Variants in TXNDC15 observed in about 807,000 individuals in gnomAD.
TXNDC15 encodes the protein thioredoxin domain containing 15.
TXNDC15 carries 24 observed loss-of-function variants against 35.0 expected under a neutral mutation model. The observed-to-expected ratio is 0.68, with a 90% confidence interval of 0.50 to 0.96. TXNDC15 has a LOEUF of 0.96. TXNDC15 is among the 40% of genes least tolerant of loss of function. TXNDC15 has a pLI of 0.00. For synonymous variants in TXNDC15, 169 were observed against 174.0 expected (o/e 0.97, Z 0.23); for missense variants, 385 against 453.3 (o/e 0.85, Z 1.37).
Position 134,893,375 on chromosome 5 carries a change from G to A in TXNDC15, c.592-117G>A, listed in dbSNP as rs374268194. On this transcript the variant is annotated intron_variant, in intron 2 of 4. Transcript: ENST00000358387. ...AAAGGTTCCGAGGGTTCCTTCTCTC[G>A]CTGCTCCTACCCACCCGTTCCTCTC... 15 of 1,256,502 alleles carry A rather than the reference G, an allele frequency of 1.2e-5. No individual in the cohort carries two copies. In the African/African-American group the frequency reaches 1.2e-4, roughly 10 times the overall value. The allele number at this position is 1,256,502 out of a possible 1,614,324, so 77.8% of individuals were successfully genotyped here. A position where few individuals can be genotyped will look rare whatever the true frequency, so the allele number is the denominator to read the frequency against.
intron 2 of TXNDC15, 111 bp from the exon 3 acceptor site, chr5:134,893,381 C>T: frequency 7.5e-7 from 1 of 1,342,098 alleles, no homozygotes. Context: ...TCTCGCTGCT[C>T]CTACCCACCC....
chr5:134,883,209 G>A (rs1264918286), intron 1 of TXNDC15, among the ~76,000 whole-genome samples: 1 of 151,636 alleles, frequency 6.6e-6, no homozygotes. Flanking sequence ...GGTGGATCAC[G>A]AGGTCAGGAG....
chr5:134,893,677 T>C, intron 3 of TXNDC15, 22 bp downstream of exon 3: 1 of 1,613,654 alleles, frequency 6.2e-7, no homozygotes, highest in Non-Finnish European at 8.5e-7. Context: ...TGGTGGGGTT[T>C]ACGTCCATCC....
intron 2 of TXNDC15, among the ~76,000 whole-genome samples, chr5:134,890,210 T>C (rs1032403421): frequency 6.6e-6 from 1 of 151,936 alleles, no homozygotes; most frequent in South Asian, 2.1e-4. Context: ...TTTTTCTTTT[T>C]TTTTTGTAGA....
intron 4 of TXNDC15, 64 bp from the exon 5 acceptor site, chr5:134,899,425 C>T: frequency 6.9e-7 from 1 of 1,458,540 alleles, no homozygotes; most frequent in South Asian, 1.2e-5. Flanking sequence ...ATACATAATA[C>T]TTGAGAAAAA....
rs746398779 is a variant in TXNDC15, at chr5:134,893,499, T to C, written c.599T>C (p.Met200Thr). 2 of 1,614,102 alleles carry C rather than the reference T, an allele frequency of 1.2e-6. No individual in the cohort carries two copies. Among genetic ancestry groups the C allele is most frequent in the African/African-American group, 1.3e-5 (1 of 74,928 alleles). ...TTGTTTCTTTTACCACAGGACCTTATGGATTTTCTGAACCCAAACGGTAGT... is the reference window on the plus strand; with the variant it reads ...TTGTTTCTTTTACCACAGGACCTTACGGATTTTCTGAACCCAAACGGTAGT... ...LKILNMSQDL[M>T]DFLNPNGSDC... The change falls in exon 3 of 5, where the codon ATG (methionine) becomes ACG (threonine). Residue 200 changes from methionine to threonine, a missense_variant. Transcript: ENST00000358387.
intron 1 of TXNDC15, among the ~76,000 whole-genome samples, chr5:134,885,986 G>C (rs1750268592): frequency 6.6e-6 from 1 of 152,312 alleles, no homozygotes; most frequent in Non-Finnish European, 1.5e-5. Context: ...AGGTAGATCA[G>C]TAGGGTAACT....
intron 1 of TXNDC15, among the ~76,000 whole-genome samples, chr5:134,878,402 C>A (rs548915212): frequency 6.6e-6 from 1 of 152,310 alleles, no homozygotes; most frequent in African/African-American, 2.4e-5. Flanking sequence ...GTGGTATTGT[C>A]TCCATTTGCT....
In TXNDC15 at chr5:134,874,382, A is replaced by G; in HGVS notation, c.-46A>G. 2 of 1,507,300 alleles carry G rather than the reference A, an allele frequency of 1.3e-6. No homozygotes were observed. The highest frequency in any genetic ancestry group is 1.2e-5 in the South Asian group (1 of 82,552). 93.4% of individuals were successfully genotyped at this position (1,507,300 alleles called of 1,614,324 possible). On this transcript the variant is annotated 5_prime_UTR_variant, in exon 1 of 5. Transcript: ENST00000358387. ...CTCCCCCAGCCTTCCTCCGGCTGGCAGCACGACTCGCGTAGCCGTGCGCCG... is the reference window on the plus strand; with the variant it reads ...CTCCCCCAGCCTTCCTCCGGCTGGCGGCACGACTCGCGTAGCCGTGCGCCG...
In TXNDC15 at chr5:134,899,534, T is replaced by C. The variant is rs772810258; in HGVS notation, c.932T>C (p.Ile311Thr). ...KNVVVTQADQ[I>T]GPLPSTLIKS... The stretch of plus-strand genomic sequence containing the variant: ...GTGGTGGTAACTCAAGCCGACCAAA[T>C]AGGCCCTCTTCCCAGCACTTTGATA... Residue 311 changes from isoleucine to threonine, a missense_variant, in exon 5 of 5, where the codon ATA becomes ACA. Physicochemically the swap from Ile to Thr is moderately conservative, Grantham distance 89 (BLOSUM62 -1). Coordinates refer to ENST00000358387, the MANE Select transcript of TXNDC15 (RefSeq NM_024715.4). 6 of 1,613,704 alleles carry C rather than the reference T, an allele frequency of 3.7e-6. No homozygotes were observed. The highest frequency in any genetic ancestry group is 5.1e-6 in the Non-Finnish European group (6 of 1,179,960).
intron 1 of TXNDC15, among the ~76,000 whole-genome samples, chr5:134,883,228 C>T (rs949102935): frequency 4.6e-5 from 7 of 151,890 alleles, no homozygotes; most frequent in African/African-American, 1.7e-4. Context: ...AGTTCCAGAC[C>T]AGCCTGGCCA....
chr5:134,875,296 G>T (rs1002825986), intron 1 of TXNDC15: 2 of 456,062 alleles, frequency 4.4e-6, no homozygotes, highest in East Asian at 6.9e-5. Flanking sequence ...CCAGACCCTC[G>T]GTCTCGCTTG....
intron 3 of TXNDC15, 91 bp downstream of exon 3, chr5:134,893,746 A>C: frequency 6.6e-7 from 1 of 1,525,974 alleles, no homozygotes; most frequent in Admixed American, 1.7e-5. Flanking sequence ...GAAGCAGAAG[A>C]GGGGGGGCAT....
At chr5:134,881,199 A>ATTTATTTTTTT (rs1469910084) in intron 1 of TXNDC15, among the ~76,000 whole-genome samples, 11 of 132,460 alleles carry the variant, frequency 8.3e-5, no homozygotes, top group African/African-American at 2.8e-4. Flanking sequence ...TTATTTATTT[A>ATTTATTTTTTT]TTTTTTTATT....
intron 1 of TXNDC15, among the ~76,000 whole-genome samples, chr5:134,880,072 AG>A (rs1436674775): frequency 6.6e-6 from 1 of 152,098 alleles, no homozygotes; most frequent in Non-Finnish European, 1.5e-5. Context: ...CTGGGATTAC[AG>A]GTGTGAGCCA....
At chr5:134,884,219 CAAAA>C (rs372857992) in intron 1 of TXNDC15, among the ~76,000 whole-genome samples, 1 of 89,528 alleles carries the variant, frequency 1.1e-5, no homozygotes. Context: ...GACTCAGTTT[CAAAA>C]AAAAAAAAAA....
intron 2 of TXNDC15, among the ~76,000 whole-genome samples, chr5:134,890,643 C>G (rs1185493330): frequency 6.6e-6 from 1 of 152,094 alleles, no homozygotes; most frequent in East Asian, 1.9e-4. Flanking sequence ...CTCCTGACCT[C>G]AAGTGATCTG....
At chr5:134,874,349 A>G (rs1430777496), upstream of TXNDC15, 4 of 1,280,670 alleles carry the variant, frequency 3.1e-6, no homozygotes, top group African/African-American at 1.6e-5. Flanking sequence ...CCGCGCTCCC[A>G]GGCTCTCCTC....
At chr5:134,890,151 C>T (rs1214617803) in intron 2 of TXNDC15, among the ~76,000 whole-genome samples, 1 of 152,076 alleles carries the variant, frequency 6.6e-6, no homozygotes, top group Non-Finnish European at 1.5e-5. Flanking sequence ...CCAGCTCAGC[C>T]TCCCAAGTAG....
Sources: gnomAD v4.1 joint callset for allele counts (sites outside exome capture counted in the v4.1 genomes callset) on GRCh38, gnomAD v4.1.1 for gene constraint, MANE v1.5 for transcripts, NCBI Gene and HGNC (gene_info 2026-07-23, HGNC 2026-07-21) for gene names.